Variants in ARHGAP29 observed in about 807,000 individuals in gnomAD.
The protein encoded by ARHGAP29 is Rho GTPase activating protein 29.
Under a neutral mutation model 122.6 loss-of-function variants are expected in ARHGAP29, and 43 were observed. That is an observed-to-expected ratio of 0.35 (90% CI 0.27 to 0.45). The LOEUF (loss-of-function observed/expected upper bound fraction) is 0.45, where lower values mean the gene tolerates loss of function less well. ARHGAP29 is among the 20% of genes least tolerant of loss of function. The pLI is 1.00. For missense variants in ARHGAP29, 1,303 were observed against 1,477.2 expected (o/e 0.88, Z 1.93); for synonymous variants, 506 against 497.1 (o/e 1.02, Z -0.24).
the ARHGAP29 span, among the ~76,000 whole-genome samples, chr1:94,296,980 T>C: frequency 6.6e-6 from 1 of 152,180 alleles, no homozygotes; most frequent in Admixed American, 6.5e-5. Context: ...AAGACATCTA[T>C]TGAGACATAG....
chr1:94,314,070 C>T, the ARHGAP29 span, among the ~76,000 whole-genome samples: 921 of 152,274 alleles, frequency 6.0e-3, 11 homozygotes, highest in African/African-American at 0.021. Flanking sequence ...CACATGTATA[C>T]ATATGTAATA....
At chr1:94,202,404 T>G in intron 11 of ARHGAP29, 140 bp downstream of exon 11, 15 of 978,804 alleles carry the variant, frequency 1.5e-5, no homozygotes, top group Non-Finnish European at 2.1e-5. Flanking sequence ...ACCTACTGAA[T>G]GAGAAACTCT....
At chr1:94,226,959 A>G (rs1652648361) in intron 2 of ARHGAP29, among the ~76,000 whole-genome samples, 1 of 151,990 alleles carries the variant, frequency 6.6e-6, no homozygotes, top group South Asian at 2.1e-4. Flanking sequence ...CATCAATGGT[A>G]AAAGTAACAA....
intron 1 of ARHGAP29, among the ~76,000 whole-genome samples, chr1:94,264,632 C>T (rs12084043): frequency 0.23 from 35,334 of 151,902 alleles, 4,348 homozygotes; most frequent in East Asian, 0.46. Context: ...TGCATCATCT[C>T]GGCCTGCCTT....
intron 12 of ARHGAP29, chr1:94,190,503 A>G: frequency 6.5e-6 from 1 of 154,344 alleles, no homozygotes; most frequent in East Asian, 1.9e-4. Flanking sequence ...CACTTTTTCA[A>G]TCCTATAAAA....
chr1:94,184,019 T>G, intron 19 of ARHGAP29, 132 bp downstream of exon 19: 2 of 974,086 alleles, frequency 2.1e-6, no homozygotes, highest in Non-Finnish European at 3.1e-6. Flanking sequence ...ACCTATGCAC[T>G]AATCATTAGC....
chr1:94,177,790 C>T, intron 21 of ARHGAP29, 62 bp downstream of exon 21: 1 of 1,554,616 alleles, frequency 6.4e-7, no homozygotes, highest in East Asian at 2.3e-5. Flanking sequence ...GTTCAAAGAT[C>T]TTTAACTTAT....
rs1649828976 is a variant in ARHGAP29, at chr1:94,186,747, G to A, written c.1682-150C>T. The A allele has an allele frequency of 1.4e-5, 8 of 589,528 alleles. 1 individual carries two copies. Among genetic ancestry groups the A allele is most frequent in the South Asian group, 8.8e-5 (4 of 45,208 alleles). The allele number at this position is 589,528 out of a possible 1,614,324, so 36.5% of individuals were successfully genotyped here. ...CTATTCTCATACTCTGGGTAACAGG[G>A]AATTTTGATACTCATTCCTGGGAAC... On this transcript the variant is annotated intron_variant, in intron 15 of 22. Transcript: ENST00000260526.
At chr1:94,232,168 T>G (rs1652956411) in intron 1 of ARHGAP29, among the ~76,000 whole-genome samples, 1 of 152,154 alleles carries the variant, frequency 6.6e-6, no homozygotes, top group South Asian at 2.1e-4. Flanking sequence ...CTTAAAATCC[T>G]CCTCTGTCAC....
the ARHGAP29 span, among the ~76,000 whole-genome samples, chr1:94,298,089 C>T: frequency 3.9e-5 from 6 of 152,224 alleles, no homozygotes; most frequent in South Asian, 6.2e-4. Flanking sequence ...TAATATTCAG[C>T]GGCAAATATT....
chr1:94,275,945 G>T (rs983454724), upstream of ARHGAP29, among the ~76,000 whole-genome samples: 2 of 145,088 alleles, frequency 1.4e-5, no homozygotes, highest in Middle Eastern at 3.5e-3. Flanking sequence ...TTAGCAGAAG[G>T]GTTTTCAACC....
At position 94,187,376 on chromosome 1, in the gene ARHGAP29, T is replaced by C. The variant is rs143816229; in HGVS notation, c.1682-779A>G. On this transcript the variant is annotated intron_variant, in intron 15 of 22. Transcript: ENST00000260526. ...CAAAGGATTTTTCTTCACAATATGC[T>C]TAAAGGTAGCTATCTAGTTTTCACT... Among the ~76,000 whole-genome samples the C allele has an allele frequency of 1.2e-3, 178 of 152,348 alleles. 1 individual carries two copies. In the East Asian group the frequency reaches 0.033, roughly 28 times the overall value.
At chr1:94,302,544 A>G in the ARHGAP29 span, 1 of 326,330 alleles carries the variant, frequency 3.1e-6, no homozygotes, top group Admixed American at 4.0e-5. Flanking sequence ...ACTCAGCATC[A>G]CAGTCCATGC....
At chr1:94,185,103 A>G in intron 17 of ARHGAP29, 43 bp from the exon 18 acceptor site, 1 of 1,548,070 alleles carries the variant, frequency 6.5e-7, no homozygotes, top group Non-Finnish European at 8.7e-7. Flanking sequence ...CCTTAAAACT[A>G]TTCACAACTG....
chr1:94,192,907 A>G (rs1354687857), intron 12 of ARHGAP29: 3 of 152,220 alleles, frequency 2.0e-5, no homozygotes, highest in African/African-American at 7.2e-5. Context: ...ATTCAAAATT[A>G]CTTGTCATAC....
chr1:94,278,730 G>T (rs1319192231), upstream of ARHGAP29, among the ~76,000 whole-genome samples: 1 of 152,160 alleles, frequency 6.6e-6, no homozygotes, highest in African/African-American at 2.4e-5. Context: ...TCTCTGCTGA[G>T]GTCCCTCAGG....
chr1:94,202,853 G>C (rs925410798), intron 10 of ARHGAP29, 65 bp downstream of exon 10: 11 of 1,547,022 alleles, frequency 7.1e-6, no homozygotes, highest in East Asian at 4.5e-5. Context: ...AGGAAGGTCA[G>C]TATATACTGC....
At chr1:94,232,853 T>C (rs1273258023) in intron 1 of ARHGAP29, among the ~76,000 whole-genome samples, 2 of 152,032 alleles carry the variant, frequency 1.3e-5, no homozygotes, top group African/African-American at 2.4e-5. Context: ...TTTCAAGTAT[T>C]TTGTCTTGAA....
chr1:94,174,952 C>A (rs2101321937), intron 22 of ARHGAP29, among the ~76,000 whole-genome samples: 1 of 152,188 alleles, frequency 6.6e-6, no homozygotes, highest in Non-Finnish European at 1.5e-5. Context: ...AAATTTTTTA[C>A]TCATTTAAAT....
Sources: allele counts gnomAD v4.1 joint callset (sites outside exome capture counted in the v4.1 genomes callset), GRCh38; gene constraint gnomAD v4.1.1; transcripts MANE v1.5; gene names NCBI Gene and HGNC (gene_info 2026-07-23, HGNC 2026-07-21).